Variants in SRGAP3 observed in about 807,000 individuals in gnomAD.
SRGAP3 encodes SLIT-ROBO Rho GTPase-activating protein 3.
Under a neutral mutation model 121.1 loss-of-function variants are expected in SRGAP3, and 39 were observed. The ratio of observed to expected loss-of-function variants is 0.32; its 90% CI spans 0.25 to 0.42. The LOEUF is 0.42. SRGAP3 is among the 10% of genes least tolerant of loss of function. The pLI is 1.00. For missense variants in SRGAP3, 1,213 were observed against 1,470.6 expected, an observed-to-expected ratio of 0.82 and a Z score of 2.86; for synonymous variants, 601 against 570.0, an observed-to-expected ratio of 1.05 and a Z score of -0.77.
intron 3 of SRGAP3, among the ~76,000 whole-genome samples, chr3:9,321,588 T>C (rs4686342): frequency 0.55 from 82,833 of 151,636 alleles, 24,678 homozygotes; most frequent in East Asian, 0.83. Flanking sequence ...CATTTGTTGG[T>C]GCTGGTCTAC....
intron 1 of SRGAP3, among the ~76,000 whole-genome samples, chr3:9,347,261 AT>A (rs1955907734): frequency 2.0e-5 from 3 of 152,036 alleles, no homozygotes; most frequent in Admixed American, 2.0e-4. Context: ...AATCTTTCGG[AT>A]TTAGGCGAGA....
intron 3 of SRGAP3, among the ~76,000 whole-genome samples, chr3:9,278,499 A>G (rs922631046): frequency 6.6e-6 from 1 of 152,246 alleles, no homozygotes; most frequent in African/African-American, 2.4e-5. Context: ...TTGTGTGTCT[A>G]GTAATAATAA....
chr3:8,990,362 G>T, intron 21 of SRGAP3, 150 bp downstream of exon 21: 1 of 1,032,114 alleles, frequency 9.7e-7, no homozygotes, highest in Non-Finnish European at 1.4e-6. Context: ...GGGAAGCCCA[G>T]CAAGGGACGG....
rs114768204 is a variant in SRGAP3 at position 9,205,715 on chromosome 3, A to G, written c.67+43170T>C. ...GCATTATTCAACAGATAGCCAAGAG[A>G]TGGAAGCAACCCAAATGCCCATCAT... On this transcript the variant is annotated intron_variant, in intron 1 of 21. Coordinates refer to ENST00000383836, the MANE Select transcript of SRGAP3 (RefSeq NM_014850.4). Among the ~76,000 whole-genome samples, 552 of 152,346 alleles carry G rather than the reference A, an allele frequency of 3.6e-3. 4 individuals are homozygous for G. The highest frequency in any genetic ancestry group is 0.012 in the African/African-American group (511 of 41,574).
chr3:9,015,757 A>G, intron 14 of SRGAP3, 26 bp from the exon 15 acceptor site: 1 of 1,613,926 alleles, frequency 6.2e-7, no homozygotes, highest in South Asian at 1.1e-5. Flanking sequence ...AGACGAGATG[A>G]TATTTCAGCT....
chr3:9,025,403 C>T (rs1219148913), intron 13 of SRGAP3, 65 bp from the exon 14 acceptor site: 25 of 1,516,210 alleles, frequency 1.6e-5, no homozygotes, highest in Admixed American at 5.0e-5. Context: ...ATTAGACTAC[C>T]GGGAATATCA....
chr3:9,098,782 C>G (rs888812700), intron 3 of SRGAP3, among the ~76,000 whole-genome samples: 1 of 152,228 alleles, frequency 6.6e-6, no homozygotes, highest in South Asian at 2.1e-4. Context: ...TGTTTGTTAT[C>G]TATAATTATT....
chr3:9,058,385 C>T lies in SRGAP3; in HGVS notation c.889G>A (p.Glu297Lys), dbSNP rs1382413523. Residue 297 changes from glutamate (E) to lysine (K), a missense_variant, in exon 7 of 22, where the codon GAA (glutamate) becomes AAA (lysine). Glu to Lys is a moderately conservative substitution (Grantham distance 56). Around this residue, in one of 2 missense-constraint regions of SRGAP3, gnomAD observed 793 missense variants for 1,032.9 expected, o/e 0.77. Coordinates refer to ENST00000383836, the MANE Select transcript of SRGAP3 (RefSeq NM_014850.4). ...GCATTCTCAATGACATCCAGCCCTT[C>T]GTGGCGAGAGGTCTCCAGGTTGTAT... ...AEYNLETSRH[E>K]GLDVIENAVD... The T allele has an allele frequency of 1.2e-6, 2 of 1,614,198 alleles. No homozygotes were observed. Among genetic ancestry groups the T allele is most frequent in the Non-Finnish European group, 1.7e-6 (2 of 1,180,038 alleles).
chr3:9,212,772 A>C (rs1952489807), intron 1 of SRGAP3, among the ~76,000 whole-genome samples: 1 of 152,230 alleles, frequency 6.6e-6, no homozygotes, highest in South Asian at 2.1e-4. Flanking sequence ...TCATGAGGGC[A>C]GAACGTGTGT....
At chr3:9,280,219 C>T (rs189649649) in intron 3 of SRGAP3, among the ~76,000 whole-genome samples, 131 of 152,340 alleles carry the variant, frequency 8.6e-4, no homozygotes, top group African/African-American at 2.9e-3. Context: ...TTTCTAGGCA[C>T]CACTGTGGGC....
intron 1 of SRGAP3, among the ~76,000 whole-genome samples, chr3:9,165,649 T>G (rs546022630): frequency 2.7e-4 from 41 of 152,278 alleles, no homozygotes; most frequent in African/African-American, 9.6e-4. Flanking sequence ...AAGGCCTGCA[T>G]GCTTGTCCCG....
chr3:9,151,441 T>C (rs961399738), intron 1 of SRGAP3, among the ~76,000 whole-genome samples: 2 of 152,216 alleles, frequency 1.3e-5, no homozygotes, highest in African/African-American at 4.8e-5. Flanking sequence ...GGTTGAACTT[T>C]GTCCTGAAGA....
At chr3:9,156,992 A>G (rs1950440098) in intron 1 of SRGAP3, among the ~76,000 whole-genome samples, 1 of 152,186 alleles carries the variant, frequency 6.6e-6, no homozygotes, top group South Asian at 2.1e-4. Context: ...TATTCCAAGT[A>G]TAGATCCATG....
At chr3:9,237,880 C>T (rs556251994) in intron 1 of SRGAP3, among the ~76,000 whole-genome samples, 17 of 152,346 alleles carry the variant, frequency 1.1e-4, no homozygotes, top group Non-Finnish European at 1.8e-4. Flanking sequence ...GTACAGATTA[C>T]TGCTGGCTGC....
At chr3:9,208,903 T>C (rs1477469069) in intron 1 of SRGAP3, among the ~76,000 whole-genome samples, 2 of 152,246 alleles carry the variant, frequency 1.3e-5, no homozygotes, top group Non-Finnish European at 2.9e-5. Flanking sequence ...GCCTACAGCA[T>C]GCATTCAATC....
At chr3:9,281,485 G>A (rs988679205) in intron 3 of SRGAP3, among the ~76,000 whole-genome samples, 2 of 152,002 alleles carry the variant, frequency 1.3e-5, no homozygotes, top group Non-Finnish European at 1.5e-5. Context: ...TTAGACTCTG[G>A]GCAAGTCACT....
chr3:9,050,103 T>C (rs1342816983), intron 9 of SRGAP3, among the ~76,000 whole-genome samples: 2 of 152,148 alleles, frequency 1.3e-5, no homozygotes, highest in African/African-American at 2.4e-5. Flanking sequence ...GTTCCCAAAG[T>C]GTTGGGATTA....
At chr3:9,027,954 A>G in intron 12 of SRGAP3, 1 of 950,256 alleles carries the variant, frequency 1.1e-6, no homozygotes, top group Non-Finnish European at 1.7e-6. Context: ...CCACCTGTGA[A>G]TTCTTTCCTT....
At chr3:9,275,056 G>A (rs1183737992) in intron 3 of SRGAP3, among the ~76,000 whole-genome samples, 1 of 152,162 alleles carries the variant, frequency 6.6e-6, no homozygotes, top group African/African-American at 2.4e-5. Flanking sequence ...ACCCTCACCA[G>A]GGACCTGCCC....
Sources: gnomAD v4.1 joint callset for allele counts (sites outside exome capture counted in the v4.1 genomes callset) on GRCh38, gnomAD v4.1.1 for gene constraint, gnomAD v4.1.1 regional missense constraint, MANE v1.5 for transcripts, NCBI Gene and HGNC (gene_info 2026-07-23, HGNC 2026-07-21) for gene names.